ANKRD28: variants seen among roughly 807,000 people sequenced by gnomAD.
The protein encoded by ANKRD28 is serine/threonine-protein phosphatase 6 regulatory ankyrin repeat subunit A.
In ANKRD28, 44 loss-of-function variants were observed where a neutral mutation model predicts 126.5. That is an observed-to-expected ratio of 0.35 (90% confidence interval 0.27 to 0.45). The LOEUF is 0.45. Among genes scored for constraint, ANKRD28 ranks in the 20% least tolerant of loss-of-function variants. ANKRD28 has a pLI of 1.00. For missense variants in ANKRD28, 1,110 were observed against 1,316.6 expected (o/e 0.84, Z 2.43); for synonymous variants, 442 against 468.5 (o/e 0.94, Z 0.73).
intron 14 of ANKRD28, among the ~76,000 whole-genome samples, chr3:15,700,394 T>C (rs2070384854): frequency 6.6e-6 from 1 of 151,810 alleles, no homozygotes; most frequent in African/African-American, 2.4e-5. Flanking sequence ...ACATGGCACA[T>C]GTATACCTAT....
At chr3:15,810,517 T>TCTATCTAATTTTTAAAAATTTA (rs1490710122) in intron 1 of ANKRD28, among the ~76,000 whole-genome samples, 1 of 152,058 alleles carries the variant, frequency 6.6e-6, no homozygotes, top group African/African-American at 2.4e-5. Context: ...TATTTAAAAA[T>TCTATCTAATTTTTAAAAATTTA]AAAATCTTTA....
In ANKRD28 at chr3:15,812,424, T is replaced by C. The variant is rs2060735922; in HGVS notation, c.28-17118A>G. Among the ~76,000 whole-genome samples the C allele has an allele frequency of 6.6e-6, 1 of 152,236 alleles. No individual in the cohort carries two copies. The highest frequency in any genetic ancestry group is 1.5e-5 in the Non-Finnish European group (1 of 68,038). The stretch of plus-strand genomic sequence containing the variant: ...GGTAAAAGATGATAATTACAATTTA[T>C]ACAGTTATTAAAAGCAAAATTAGCT... On this transcript the variant is annotated intron_variant, in intron 1 of 27. Coordinates refer to the ANKRD28 transcript ENST00000399451. This position sits in a 1 kb window ranked among gnomAD's most constrained non-coding sequence, Gnocchi z 4.1.
chr3:15,852,780 C>G (rs894174244), intron 1 of ANKRD28, among the ~76,000 whole-genome samples: 1 of 132,218 alleles, frequency 7.6e-6, no homozygotes, highest in East Asian at 2.2e-4. Context: ...TTGCAGTGAG[C>G]TGAGATTGTG....
intron 21 of ANKRD28, chr3:15,684,118 T>G (rs1234053225): frequency 1.3e-5 from 2 of 152,222 alleles, no homozygotes; most frequent in Non-Finnish European, 2.9e-5. Flanking sequence ...GCCTGAAGCT[T>G]GAACTTTGAC....
chr3:15,788,922 G>A (rs1181112331), intron 2 of ANKRD28, among the ~76,000 whole-genome samples: 1 of 152,040 alleles, frequency 6.6e-6, no homozygotes, highest in Non-Finnish European at 1.5e-5. Flanking sequence ...AAAAAGAAGA[G>A]TGAGGGCTGA....
At chr3:15,745,014 T>C (rs1038980912) in intron 4 of ANKRD28, among the ~76,000 whole-genome samples, 30 of 152,336 alleles carry the variant, frequency 2.0e-4, no homozygotes, top group Admixed American at 9.2e-4. Context: ...TTTTCCATGT[T>C]TGTTGGCCCT....
intron 1 of ANKRD28, among the ~76,000 whole-genome samples, chr3:15,821,881 T>C (rs546990739): frequency 6.6e-6 from 1 of 152,296 alleles, no homozygotes; most frequent in South Asian, 2.1e-4. Flanking sequence ...AGGGCTTGTC[T>C]TTGTTCCACC....
chr3:15,829,155 C>T lies in ANKRD28; in HGVS notation c.27+30222G>A, dbSNP rs371072723. 3.0e-3 allele frequency among the ~76,000 whole-genome samples: 450 copies of T among 152,110 alleles called. 1 individual carries two copies. The highest frequency in any genetic ancestry group is 0.014 in the Middle Eastern group (4 of 294). On this transcript the variant is annotated intron_variant, in intron 1 of 27. Transcript: ENST00000399451. The stretch of plus-strand genomic sequence containing the variant: ...CTACTGTATTCAAAATCAAAACTAC[C>T]GAATTGCTTAAAAGTATTATTTTTA...
At chr3:15,705,004 AAT>A (rs969629522) in intron 14 of ANKRD28, among the ~76,000 whole-genome samples, 4 of 152,150 alleles carry the variant, frequency 2.6e-5, no homozygotes, top group African/African-American at 9.7e-5. Flanking sequence ...TCCTTTTACA[AAT>A]AAAGAATATT....
At chr3:15,784,049 T>A (rs547027046) in intron 2 of ANKRD28, among the ~76,000 whole-genome samples, 1 of 151,166 alleles carries the variant, frequency 6.6e-6, no homozygotes, top group South Asian at 2.1e-4. Flanking sequence ...GAAAAAAAAA[T>A]ACCACCAACC....
In ANKRD28 at chr3:15,675,903, T is replaced by C. The variant is rs1223246846; in HGVS notation, c.2960A>G (p.Glu987Gly). 6.2e-7 allele frequency: 1 copy of C among 1,607,668 alleles called. No individual in the cohort carries two copies. The highest frequency in any genetic ancestry group is 8.5e-7 in the Non-Finnish European group (1 of 1,175,622). Reference sequence around the variant, plus strand: ...AGAATATAGAACCAACTTACCATTTTCATCTACTGCAAGCACACTTGCTCC... The same window carrying C: ...AGAATATAGAACCAACTTACCATTTCCATCTACTGCAAGCACACTTGCTCC... ...GKGASVLAVD[E>G]NGYTPALACA... Residue 987 changes from glutamate (E) to glycine (G), a missense_variant, in exon 27 of 28, where the codon GAA becomes GGA. Physicochemically the swap from Glu to Gly is moderately conservative, Grantham distance 98 (BLOSUM62 -2). Coordinates refer to ENST00000683139, the MANE Select transcript of ANKRD28 (RefSeq NM_001349278.2).
chr3:15,703,138 T>C (rs1488507502), intron 14 of ANKRD28, among the ~76,000 whole-genome samples: 1 of 152,178 alleles, frequency 6.6e-6, no homozygotes, highest in Non-Finnish European at 1.5e-5. Flanking sequence ...ATATATCTTC[T>C]ATATACCAAC....
chr3:15,795,913 T>C (rs9824347), intron 1 of ANKRD28, among the ~76,000 whole-genome samples: 6,226 of 152,250 alleles, frequency 0.041, 415 homozygotes, highest in African/African-American at 0.14. Flanking sequence ...TGATAAGGTA[T>C]ACTATACTAG....
chr3:15,796,411 A>C lies in ANKRD28; in HGVS notation c.111T>G (p.Asn37Lys). ...NKSLHSPPSGNVLPSLVQAIF... is the reference protein window; with the variant it reads ...NKSLHSPPSGKVLPSLVQAIF... ...ATAAACTTACATATCTTACCAATACATTTCCAGAAGGTGGAGAATGTAGGG... is the reference window on the plus strand; with the variant it reads ...ATAAACTTACATATCTTACCAATACCTTTCCAGAAGGTGGAGAATGTAGGG... Residue 37 changes from asparagine to lysine, a missense_variant, in exon 1 of 28, where the codon AAT becomes AAG. Asn to Lys is a moderately conservative substitution (Grantham distance 94). Transcript: ENST00000683139. The C allele has an allele frequency of 7.8e-7, 1 of 1,287,522 alleles. No homozygotes were observed. The highest frequency in any genetic ancestry group is 1.2e-5 in the South Asian group (1 of 80,854). 79.8% of individuals were successfully genotyped at this position (1,287,522 alleles called of 1,614,324 possible).
chr3:15,770,332 T>C (rs960026918), intron 2 of ANKRD28, among the ~76,000 whole-genome samples: 1 of 150,836 alleles, frequency 6.6e-6, no homozygotes, highest in African/African-American at 2.5e-5. Flanking sequence ...CAGAGCAATG[T>C]AACTTTAAAG....
intron 14 of ANKRD28, among the ~76,000 whole-genome samples, chr3:15,701,185 A>G (rs1406877232): frequency 6.6e-6 from 1 of 152,232 alleles, no homozygotes. Context: ...CAATGCTAAC[A>G]CTTATTTCTT....
rs2125558107 is a variant in ANKRD28 at position 15,668,556 on chromosome 3, C to T, written c.*1714G>A. 6.6e-6 allele frequency: 1 copy of T among 152,374 alleles called. No homozygotes were observed. Among genetic ancestry groups the T allele is most frequent in the Non-Finnish European group, 1.5e-5 (1 of 67,952 alleles). The allele number at this position is 152,374 out of a possible 1,614,324, so 9.4% of individuals were successfully genotyped here. A position where few individuals can be genotyped will look rare whatever the true frequency, so the allele number is the denominator to read the frequency against. ...AATCTAGTAGTCAATGCCCTAGAAA[C>T]TTTATAGATTTGTAGATAATATGCA... On this transcript the variant is annotated 3_prime_UTR_variant, in exon 28 of 28. Coordinates refer to ENST00000683139, the MANE Select transcript of ANKRD28 (RefSeq NM_001349278.2).
At chr3:15,780,074 G>A (rs2059473795) in intron 2 of ANKRD28, among the ~76,000 whole-genome samples, 1 of 151,994 alleles carries the variant, frequency 6.6e-6, no homozygotes, top group Non-Finnish European at 1.5e-5. Flanking sequence ...GTCCTAGCCA[G>A]AACAATTAGG....
rs775784106 is a variant in ANKRD28 at position 15,670,410 on chromosome 3, T to C, written c.3112A>G (p.Lys1038Glu). Residue 1038 changes from lysine to glutamate, a missense_variant, in exon 28 of 28, where the codon AAA (lysine) becomes GAA (glutamate). Physicochemically the swap from Lys to Glu is moderately conservative, Grantham distance 56. Transcript: ENST00000683139. ...NAINRYTNTS[K>E]TVSFEALPIM... ...GGCAAAGCTTCAAAGCTGACTGTTTTTGAGGTGTTGGTATAACGGTTAATG... is the reference window on the plus strand; with the variant it reads ...GGCAAAGCTTCAAAGCTGACTGTTTCTGAGGTGTTGGTATAACGGTTAATG... 1 of 1,613,912 alleles carries C rather than the reference T, an allele frequency of 6.2e-7. No homozygotes were observed. Among genetic ancestry groups the C allele is most frequent in the Non-Finnish European group, 8.5e-7 (1 of 1,179,848 alleles).
Sources: gnomAD v4.1 joint callset for allele counts (sites outside exome capture counted in the v4.1 genomes callset) on GRCh38, gnomAD v4.1.1 for gene constraint, Gnocchi (gnomAD v3.1) non-coding constraint, MANE v1.5 for transcripts, NCBI Gene and HGNC (gene_info 2026-07-23, HGNC 2026-07-21) for gene names.